The following DMBT1 variants were observed in gnomAD, a reference collection of about 807,000 sequenced individuals.
DMBT1 encodes scavenger receptor cysteine-rich domain-containing protein DMBT1.
In DMBT1, 198 loss-of-function variants were observed where a neutral mutation model predicts 252.9. The ratio of observed to expected loss-of-function variants is 0.78; its 90% CI spans 0.70 to 0.88. The LOEUF (loss-of-function observed/expected upper bound fraction) is 0.88. Among genes scored for constraint, DMBT1 ranks in the 40% least tolerant of loss-of-function variants. The pLI is 0.00. For missense variants in DMBT1, 2,432 were observed against 2,404.7 expected, an observed-to-expected ratio of 1.01 and a Z score of -0.24; for synonymous variants, 990 against 942.7, an observed-to-expected ratio of 1.05 and a Z score of -0.92.
intron 6 of DMBT1, among the ~76,000 whole-genome samples, chr10:122,575,256 T>C (rs76227349): frequency 0.035 from 5,300 of 152,318 alleles, 121 homozygotes; most frequent in South Asian, 0.08. Flanking sequence ...GGAAAAGTTA[T>C]TTTTGCATCC....
rs1476976323 is a variant in DMBT1 at position 122,586,283 on chromosome 10, G to C, written c.1683G>C (p.Val561=). The change falls in exon 16 of 56, where the codon GTG becomes GTC. Residue 561 remains valine, a synonymous_variant. Transcript: ENST00000338354. ...QGSGPIVLDD[V]RCSGNESYLW... is the part of the protein sequence containing the mutation. Reference sequence around the variant, plus strand: ...CAGGACCCATTGTCCTGGATGACGTGCGCTGCTCAGGGAATGAGTCCTACT... The same window carrying C: ...CAGGACCCATTGTCCTGGATGACGTCCGCTGCTCAGGGAATGAGTCCTACT... 6.3e-7 allele frequency: 1 copy of C among 1,588,284 alleles called. No homozygotes were observed. Among genetic ancestry groups the C allele is most frequent in the Non-Finnish European group, 8.6e-7 (1 of 1,165,478 alleles).
chr10:122,570,502 A>G (rs1408358511), intron 3 of DMBT1, among the ~76,000 whole-genome samples: 2 of 152,140 alleles, frequency 1.3e-5, no homozygotes, highest in African/African-American at 2.4e-5. Flanking sequence ...TTCTTGTTGA[A>G]CCACCTTCTC....
chr10:122,571,432 G>A (rs1435653289), intron 4 of DMBT1, among the ~76,000 whole-genome samples: 1 of 152,102 alleles, frequency 6.6e-6, no homozygotes, highest in East Asian at 1.9e-4. Context: ...TTGGAGGATG[G>A]GGGAACTGCT....
chr10:122,576,927 G>C (rs748595756), intron 7 of DMBT1, among the ~76,000 whole-genome samples: 10 of 152,312 alleles, frequency 6.6e-5, no homozygotes, highest in Middle Eastern at 3.4e-3. Flanking sequence ...TATAGTAACA[G>C]GTTTCTCACT....
chr10:122,588,818 C>T, intron 16 of DMBT1, 126 bp from the exon 17 acceptor site: 1 of 1,485,688 alleles, frequency 6.7e-7, no homozygotes, highest in South Asian at 1.3e-5. Context: ...TGGTTGCAGT[C>T]ATCTTTAATC....
intron 46 of DMBT1, among the ~76,000 whole-genome samples, chr10:122,629,388 C>T (rs551095659): frequency 3.9e-5 from 6 of 152,166 alleles, no homozygotes; most frequent in Admixed American, 3.3e-4. Flanking sequence ...CCTAACCCAA[C>T]GTTGTGCTAC....
intron 8 of DMBT1, 131 bp from the exon 9 acceptor site, chr10:122,578,587 A>T: frequency 1.3e-6 from 1 of 758,978 alleles, no homozygotes. Context: ...GGGCAGACAC[A>T]TGGGGAGCAA....
chr10:122,638,311 T>TCGTTCACACCCATTCACACC (rs368856372), intron 54 of DMBT1, among the ~76,000 whole-genome samples: 50 of 141,752 alleles, frequency 3.5e-4, no homozygotes, highest in African/African-American at 1.4e-3. Context: ...CCATTCACAC[T>TCGTTCACACCCATTCACACC]CGTTCACACC....
At position 122,631,244 on chromosome 10, in the gene DMBT1, C is replaced by A; in HGVS notation, c.6309C>A (p.Asn2103Lys). ...GGAACCGAGGCTGGTTCTCCCACAA[C>A]TGTAATCATCGTGAAGATGCTGGTG... The part of the protein sequence containing the change: ...QCRNRGWFSH[N>K]CNHREDAGVI... The change falls in exon 49 of 56, where the codon AAC (asparagine) becomes AAA (lysine). Residue 2103 changes from asparagine to lysine, a missense_variant. Physicochemically the swap from Asn to Lys is moderately conservative, Grantham distance 94 (BLOSUM62 0). Transcript: ENST00000338354. The A allele has an allele frequency of 6.2e-7, 1 of 1,614,024 alleles. No individual in the cohort carries two copies. The highest frequency in any genetic ancestry group is 8.5e-7 in the Non-Finnish European group (1 of 1,179,892).
intron 5 of DMBT1, among the ~76,000 whole-genome samples, chr10:122,573,326 A>T (rs1240015404): frequency 2.0e-5 from 3 of 152,168 alleles, no homozygotes; most frequent in Non-Finnish European, 4.4e-5. Flanking sequence ...TTTCTGGTTG[A>T]ACCACCTTCT....
In DMBT1 at chr10:122,631,065, T is replaced by C; in HGVS notation, c.6130T>C (p.Trp2044Arg). The change falls in exon 49 of 56, where the codon TGG (tryptophan) becomes CGG (arginine). Residue 2044 changes from tryptophan to arginine, a missense_variant. Around this residue, in one of 3 missense-constraint regions of DMBT1, gnomAD observed 1,162 missense variants for 1,169.0 expected, o/e 0.99. Coordinates refer to ENST00000338354, the MANE Select transcript of DMBT1 (RefSeq NM_001377530.1). The part of the protein sequence containing the change: ...GTWGTVCDDS[W>R]TIQEAEVVCR... ...CTGGGGGACAGTTTGTGATGACTCCTGGACCATTCAGGAAGCTGAGGTGGT... is the reference window on the plus strand; with the variant it reads ...CTGGGGGACAGTTTGTGATGACTCCCGGACCATTCAGGAAGCTGAGGTGGT... 6.2e-7 allele frequency: 1 copy of C among 1,614,018 alleles called. No individual in the cohort carries two copies.
chr10:122,570,405 A>G (rs922013447), intron 3 of DMBT1, among the ~76,000 whole-genome samples, 196 bp downstream of exon 3: 3 of 152,242 alleles, frequency 2.0e-5, no homozygotes, highest in African/African-American at 7.2e-5. Flanking sequence ...GGGCTCCCCA[A>G]GGGGGCATGG....
At chr10:122,597,265 T>C (rs1032247753) in intron 24 of DMBT1, among the ~76,000 whole-genome samples, 1 of 152,086 alleles carries the variant, frequency 6.6e-6, no homozygotes, top group Non-Finnish European at 1.5e-5. Flanking sequence ...ATCTCAGCTT[T>C]CATGAAGCAG....
At chr10:122,633,450 T>G in intron 52 of DMBT1, 109 bp downstream of exon 52, 1 of 1,512,384 alleles carries the variant, frequency 6.6e-7, no homozygotes, top group Admixed American at 2.2e-5. Flanking sequence ...CCACAGACCT[T>G]TCAAGAGGGA....
At chr10:122,632,817 G>T (rs376469360) in intron 50 of DMBT1, 44 bp from the exon 51 acceptor site, 56 of 1,608,222 alleles carry the variant, frequency 3.5e-5, no homozygotes, top group Non-Finnish European at 4.6e-5. Flanking sequence ...AGCTGTGTCA[G>T]GGATGCCAGA....
In DMBT1 at chr10:122,637,041, CT is replaced by C. The variant is rs540637415; in HGVS notation, c.6758-82del. On this transcript the variant is annotated intron_variant, in intron 53 of 55. Transcript: ENST00000338354. ...CCTGTCAGCCACCCTGGTCTGTGCA[CT>C]TTTTAAGTGGAAACAGCCTCTGGCC... 209 of 1,357,830 alleles carry C rather than the reference CT, an allele frequency of 1.5e-4. 1 individual carries two copies. In the African/African-American group the frequency reaches 2.5e-3, roughly 16 times the overall value. The allele number at this position is 1,357,830 out of a possible 1,614,324, so 84.1% of individuals were successfully genotyped here.
chr10:122,592,604 C>A lies in DMBT1; in HGVS notation c.2500+9C>A. On this transcript the variant is annotated intron_variant, in intron 20 of 55. Transcript: ENST00000338354. ...TGGTGTCATCTGCTCAGGTGGGCCT[C>A]CAAGACCTTGGGCTCCCTCTCCTAG... The A allele has an allele frequency of 1.3e-6, 2 of 1,588,404 alleles. No individual in the cohort carries two copies. Among genetic ancestry groups the A allele is most frequent in the Non-Finnish European group, 1.7e-6 (2 of 1,165,632 alleles).
chr10:122,586,136 A>G lies in DMBT1; in HGVS notation c.1536A>G (p.Arg512=), dbSNP rs1478701383. The change falls in exon 16 of 56, where the codon CGA becomes CGG. Residue 512 remains arginine (R), a synonymous_variant. Coordinates refer to ENST00000338354, the MANE Select transcript of DMBT1 (RefSeq NM_001377530.1). ...RCQGRVEVLY[R]GSWGTVCDDS... is the part of the protein sequence containing the mutation. ...AGGGCCGAGTGGAGGTCCTATACCGAGGCTCCTGGGGCACCGTGTGTGATG... is the reference window on the plus strand; with the variant it reads ...AGGGCCGAGTGGAGGTCCTATACCGGGGCTCCTGGGGCACCGTGTGTGATG... 3 of 1,589,034 alleles carry G rather than the reference A, an allele frequency of 1.9e-6. No individual in the cohort carries two copies. Among genetic ancestry groups the G allele is most frequent in the African/African-American group, 1.3e-5 (1 of 74,580 alleles).
chr10:122,630,439 A>C lies in DMBT1; in HGVS notation c.5974A>C (p.Ile1992Leu), dbSNP rs776266415. 3.1e-6 allele frequency: 5 copies of C among 1,614,026 alleles called. No individual in the cohort carries two copies. Among genetic ancestry groups the C allele is most frequent in the South Asian group, 2.2e-5 (2 of 91,080 alleles). Residue 1992 changes from isoleucine to leucine, a missense_variant, in exon 48 of 56, where the codon ATC becomes CTC. Around this residue, in one of 3 missense-constraint regions of DMBT1, gnomAD observed 1,162 missense variants for 1,169.0 expected, o/e 0.99. Transcript: ENST00000338354. ...AATGACCATTCACTTTCGAAGTGAC[A>C]TCAGTTTCCAAAACACTGGCTTTTT... ...NRMTIHFRSD[I>L]SFQNTGFLAW... is the part of the protein sequence containing the mutation.
Sources: gnomAD v4.1 joint callset for allele counts (sites outside exome capture counted in the v4.1 genomes callset) on GRCh38, gnomAD v4.1.1 for gene constraint, gnomAD v4.1.1 regional missense constraint, MANE v1.5 for transcripts, NCBI Gene and HGNC (gene_info 2026-07-23, HGNC 2026-07-21) for gene names.